KBTBD12: variants seen among roughly 807,000 people sequenced by gnomAD.
The protein encoded by KBTBD12 is kelch repeat and BTB domain-containing protein 12.
A neutral mutation model predicts 58.7 loss-of-function variants in KBTBD12; 53 were observed. That is an observed-to-expected ratio of 0.90 (90% CI 0.72 to 1.14). KBTBD12 has a LOEUF of 1.14. KBTBD12 is among the 50% of genes most tolerant of loss of function. The pLI is 0.00. For missense variants in KBTBD12, 704 were observed against 751.3 expected (o/e 0.94, Z 0.74); for synonymous variants, 236 against 259.8 (o/e 0.91, Z 0.88).
chr3:127,924,010 G>A lies in KBTBD12; in HGVS notation c.949G>A (p.Gly317Arg), dbSNP rs750553767. 15 of 1,613,618 alleles carry A rather than the reference G, an allele frequency of 9.3e-6. No homozygotes were observed. The highest frequency in any genetic ancestry group is 6.7e-5 in the East Asian group (3 of 44,886). ...KTYFISSPKYGEGLGTVCTGV... is the reference protein window; with the variant it reads ...KTYFISSPKYREGLGTVCTGV... Reference sequence around the variant, plus strand: ...CTATTTCATCTCATCTCCCAAGTACGGAGAGGGTTTAGGAACTGTGTGTAC... The same window carrying A: ...CTATTTCATCTCATCTCCCAAGTACAGAGAGGGTTTAGGAACTGTGTGTAC... The change falls in exon 2 of 6, where the codon GGA becomes AGA. Residue 317 changes from glycine to arginine, a missense_variant. Coordinates refer to ENST00000405109, the MANE Select transcript of KBTBD12 (RefSeq NM_207335.4).
intron 5 of KBTBD12, among the ~76,000 whole-genome samples, chr3:127,980,150 A>T (rs975165490): frequency 6.6e-6 from 1 of 152,174 alleles, no homozygotes; most frequent in Non-Finnish European, 1.5e-5. Flanking sequence ...TGAAACATGA[A>T]AAAAAGGAAC....
In KBTBD12 at chr3:127,986,485, C is replaced by CTTTTT. The variant is rs1230095127; in HGVS notation, c.*2220_*2224dup. The CTTTTT allele has an allele frequency of 7.2e-6, 1 of 138,138 alleles. No homozygotes were observed. Among genetic ancestry groups the CTTTTT allele is most frequent in the African/African-American group, 2.7e-5 (1 of 37,330 alleles). The allele number at this position is 138,138 out of a possible 1,614,324, so 8.6% of individuals were successfully genotyped here. On this transcript the variant is annotated 3_prime_UTR_variant, in exon 6 of 6. Transcript: ENST00000405109. ...TGCATATGGCTTGTGACGGTTCTTT[C>CTTTTT]TTTTTTTTTTTTTTTTTGAGACGGA...
At chr3:127,954,215 A>T (rs1196184292) in intron 4 of KBTBD12, among the ~76,000 whole-genome samples, 1 of 152,236 alleles carries the variant, frequency 6.6e-6, no homozygotes, top group Non-Finnish European at 1.5e-5. Context: ...CTAAAAAGGT[A>T]GTCCAGAAAT....
chr3:127,948,474 C>A (rs1940135792), intron 4 of KBTBD12, among the ~76,000 whole-genome samples: 1 of 152,262 alleles, frequency 6.6e-6, no homozygotes, highest in African/African-American at 2.4e-5. Flanking sequence ...AAACTAGACC[C>A]TCCCCCATGG....
intron 4 of KBTBD12, among the ~76,000 whole-genome samples, chr3:127,951,572 A>G (rs1940203683): frequency 6.6e-6 from 1 of 152,172 alleles, no homozygotes; most frequent in Non-Finnish European, 1.5e-5. Flanking sequence ...ATTAATCAGG[A>G]TGAAAACCAC....
chr3:127,977,632 T>A (rs1258037719), intron 5 of KBTBD12, among the ~76,000 whole-genome samples: 1 of 152,280 alleles, frequency 6.6e-6, no homozygotes, highest in Non-Finnish European at 1.5e-5. Flanking sequence ...TGTCTTCTTT[T>A]GAAAAGTGTC....
chr3:127,948,881 GAACT>G (rs1184612595), intron 4 of KBTBD12, among the ~76,000 whole-genome samples: 1 of 152,142 alleles, frequency 6.6e-6, no homozygotes, highest in African/African-American at 2.4e-5. Flanking sequence ...AGGAAAGAGG[GAACT>G]AACTTATCAG....
At chr3:127,951,440 A>G (rs1188078907) in intron 4 of KBTBD12, among the ~76,000 whole-genome samples, 1 of 152,234 alleles carries the variant, frequency 6.6e-6, no homozygotes, top group Non-Finnish European at 1.5e-5. Context: ...GGGTCAGGTC[A>G]GCCTTAGAAG....
chr3:127,916,083 G>T (rs1477371357), intron 1 of KBTBD12, among the ~76,000 whole-genome samples: 1 of 152,158 alleles, frequency 6.6e-6, no homozygotes, highest in Non-Finnish European at 1.5e-5. Flanking sequence ...TTCTTAAGAG[G>T]AACTAATGAG....
chr3:127,953,449 A>G (rs1940253359), intron 4 of KBTBD12, among the ~76,000 whole-genome samples: 1 of 152,158 alleles, frequency 6.6e-6, no homozygotes, highest in South Asian at 2.1e-4. Context: ...CATGTAAGGA[A>G]CTCTTTGAAA....
intron 2 of KBTBD12, 21 bp from the exon 3 acceptor site, chr3:127,927,743 T>A (rs1162293168): frequency 7.6e-6 from 11 of 1,443,836 alleles, no homozygotes; most frequent in African/African-American, 1.4e-5. Context: ...TAATCCTGGA[T>A]ACTCTCTCTC....
rs546155755 is a variant in KBTBD12 at position 127,962,621 on chromosome 3, G to C, written c.1493-568G>C. Among the ~76,000 whole-genome samples the C allele has an allele frequency of 5.9e-5, 9 of 152,302 alleles. No homozygotes were observed. In the South Asian group the frequency reaches 1.9e-3, roughly 32 times the overall value. On this transcript the variant is annotated intron_variant, in intron 4 of 5. Coordinates refer to ENST00000405109, the MANE Select transcript of KBTBD12 (RefSeq NM_207335.4). The stretch of plus-strand genomic sequence containing the variant: ...AATAGGCACTTAATAATTATCTGAT[G>C]AATGAACTATATCATCCAAAACTGG...
intron 2 of KBTBD12, among the ~76,000 whole-genome samples, chr3:127,925,002 A>G (rs984104309): frequency 6.6e-6 from 1 of 152,182 alleles, no homozygotes; most frequent in African/African-American, 2.4e-5. Flanking sequence ...CTCTTTTACC[A>G]TGGTTTGTTC....
At position 127,963,042 on chromosome 3, in the gene KBTBD12, T is replaced by A. The variant is rs1940477719; in HGVS notation, c.1493-147T>A. 7 of 650,510 alleles carry A rather than the reference T, an allele frequency of 1.1e-5. No individual in the cohort carries two copies. The South Asian group carries it at 1.4e-4, about 13-fold the overall frequency. 40.3% of individuals were successfully genotyped at this position (650,510 alleles called of 1,614,324 possible). On this transcript the variant is annotated intron_variant, in intron 4 of 5. Transcript: ENST00000405109. ...GTACACAGTAGACATCACTATTGCT[T>A]AGAACTTGTCTTCAAGGTAGCACCT...
chr3:127,926,924 C>T (rs1449408038), intron 2 of KBTBD12, among the ~76,000 whole-genome samples: 1 of 152,086 alleles, frequency 6.6e-6, no homozygotes, highest in African/African-American at 2.4e-5. Context: ...CTGTCCTTCT[C>T]AGACTGTGTA....
chr3:127,928,443 T>C (rs542700461), intron 3 of KBTBD12, among the ~76,000 whole-genome samples: 2 of 152,214 alleles, frequency 1.3e-5, no homozygotes, highest in Non-Finnish European at 2.9e-5. Flanking sequence ...AAATTCTTAC[T>C]CTAAGTGAGA....
At chr3:127,943,180 G>T (rs1221695726) in intron 4 of KBTBD12, among the ~76,000 whole-genome samples, 1 of 152,156 alleles carries the variant, frequency 6.6e-6, no homozygotes, top group East Asian at 1.9e-4. Flanking sequence ...TTGAGGTACT[G>T]ATTTCATTTC....
At chr3:127,973,931 C>T (rs900211524) in intron 5 of KBTBD12, among the ~76,000 whole-genome samples, 2 of 152,146 alleles carry the variant, frequency 1.3e-5, no homozygotes, top group Admixed American at 6.5e-5. Flanking sequence ...TCCCCGTGCC[C>T]CCCAGCCACA....
chr3:127,923,328 G>A lies in KBTBD12; in HGVS notation c.267G>A (p.Met89Ile), dbSNP rs769961083. Residue 89 changes from methionine (M) to isoleucine (I), a missense_variant, in exon 2 of 6, where the codon ATG (methionine) becomes ATA (isoleucine). Coordinates refer to ENST00000405109, the MANE Select transcript of KBTBD12 (RefSeq NM_207335.4). ...GTGTGTCGGTGTTATTAAATTACAT[G>A]TACAATGCAGCTTTGGAGATCAATA... Reference protein sequence around the residue: ...AESVSVLLNYMYNAALEINNA... With the variant: ...AESVSVLLNYIYNAALEINNA... 2 of 1,613,800 alleles carry A rather than the reference G, an allele frequency of 1.2e-6. No individual in the cohort carries two copies. Among genetic ancestry groups the A allele is most frequent in the South Asian group, 2.2e-5 (2 of 91,064 alleles).
Sources: allele counts gnomAD v4.1 joint callset (sites outside exome capture counted in the v4.1 genomes callset), GRCh38; gene constraint gnomAD v4.1.1; transcripts MANE v1.5; gene names NCBI Gene and HGNC (gene_info 2026-07-23, HGNC 2026-07-21).